The following CC2D2B variants were observed in gnomAD, a reference collection of about 807,000 sequenced individuals.
CC2D2B encodes protein CC2D2B.
CC2D2B carries 128 observed loss-of-function variants against 161.2 expected under a neutral mutation model. The ratio of observed to expected loss-of-function variants is 0.79; its 90% CI spans 0.69 to 0.92. CC2D2B has a LOEUF of 0.92. Among genes scored for constraint, CC2D2B ranks in the 40% least tolerant of loss-of-function variants. The pLI, the probability that CC2D2B is intolerant of heterozygous loss-of-function variation, is 0.00. For missense variants in CC2D2B, 1,173 were observed against 1,375.1 expected, an observed-to-expected ratio of 0.85 and a Z score of 2.32; for synonymous variants, 391 against 449.8, an observed-to-expected ratio of 0.87 and a Z score of 1.65.
At position 95,937,973 on chromosome 10, in the gene CC2D2B, C is replaced by T; in HGVS notation, c.337-18C>T. On this transcript the variant is annotated intron_variant, in intron 6 of 34. Coordinates refer to ENST00000646931, the MANE Select transcript of CC2D2B (RefSeq NM_001349008.3). Reference sequence around the variant, plus strand: ...GAGACAAGCATGTAAACTTATTTTCCTTTTTGGTATTCAACAGAGACCAGT... The same window carrying T: ...GAGACAAGCATGTAAACTTATTTTCTTTTTTGGTATTCAACAGAGACCAGT... The T allele has an allele frequency of 1.4e-6, 2 of 1,428,686 alleles. No homozygotes were observed. Among genetic ancestry groups the T allele is most frequent in the Non-Finnish European group, 1.9e-6 (2 of 1,040,176 alleles). 88.5% of individuals were successfully genotyped at this position (1,428,686 alleles called of 1,614,324 possible). A position where few individuals can be genotyped will look rare whatever the true frequency, so the allele number is the denominator to read the frequency against.
chr10:96,021,630 T>A (rs924607693), intron 32 of CC2D2B: 10 of 152,192 alleles, frequency 6.6e-5, no homozygotes, highest in African/African-American at 2.4e-4. Flanking sequence ...AAATGACACA[T>A]ACAGTACAAA....
At chr10:95,958,066 A>G (rs1022962324) in intron 11 of CC2D2B, among the ~76,000 whole-genome samples, 7 of 151,990 alleles carry the variant, frequency 4.6e-5, no homozygotes, top group Admixed American at 2.0e-4. Context: ...CAAAAAAAAA[A>G]ACCTACTAGA....
At chr10:95,949,707 TATAA>T (rs2076338878) in intron 9 of CC2D2B, among the ~76,000 whole-genome samples, 185 bp from the exon 10 acceptor site, 1 of 151,712 alleles carries the variant, frequency 6.6e-6, no homozygotes. Context: ...AATGCTGTAA[TATAA>T]ATATATTTGA....
intron 24 of CC2D2B, chr10:96,000,306 A>G: frequency 1.7e-6 from 1 of 604,526 alleles, no homozygotes; most frequent in Non-Finnish European, 2.1e-6. Context: ...CTATTTTTCT[A>G]TTGTTTCGTC....
In CC2D2B at chr10:96,009,788, T is replaced by A. The variant is rs112926625; in HGVS notation, c.2947-37T>A. The A allele has an allele frequency of 2.2e-5, 20 of 929,650 alleles. No homozygotes were observed. The African/African-American group carries it at 2.9e-4, about 13-fold the overall frequency. 57.6% of individuals were successfully genotyped at this position (929,650 alleles called of 1,614,324 possible). A position where few individuals can be genotyped will look rare whatever the true frequency, so the allele number is the denominator to read the frequency against. ...GTTTATAAAACTATTCATCACATGATATTAAGTAAGTAATAAAAAATTATT... is the reference window on the plus strand; with the variant it reads ...GTTTATAAAACTATTCATCACATGAAATTAAGTAAGTAATAAAAAATTATT... On this transcript the variant is annotated intron_variant, in intron 25 of 34. Transcript: ENST00000646931.
rs1564689204 is a variant in CC2D2B, at chr10:96,029,276, A to ATG, written c.4125+1888_4125+1889insGT. Among the ~76,000 whole-genome samples the ATG allele has an allele frequency of 4.2e-4, 23 of 54,690 alleles. 1 individual carries two copies. Among genetic ancestry groups the ATG allele is most frequent in the Non-Finnish European group, 5.0e-4 (14 of 27,922 alleles). 35.9% of individuals were successfully genotyped at this position (54,690 alleles called of 152,430 possible). A position where few individuals can be genotyped will look rare whatever the true frequency, so the allele number is the denominator to read the frequency against. The stretch of plus-strand genomic sequence containing the variant: ...TATATATATATATATATATATATAT[A>ATG]TATATATATGTATATATATATATAT... On this transcript the variant is annotated intron_variant, in intron 34 of 34. Transcript: ENST00000646931.
intron 9 of CC2D2B, among the ~76,000 whole-genome samples, chr10:95,941,047 C>T (rs1009472159): frequency 6.6e-6 from 1 of 152,096 alleles, no homozygotes; most frequent in Non-Finnish European, 1.5e-5. Flanking sequence ...TATGTATATA[C>T]AGTCAAATGA....
At chr10:96,000,223 T>C in intron 24 of CC2D2B, 1 of 1,280,168 alleles carries the variant, frequency 7.8e-7, no homozygotes, top group Non-Finnish European at 9.9e-7. Flanking sequence ...GGTGCCTTTC[T>C]TCTTTTCCTT....
chr10:95,935,380 A>G (rs1192232112), intron 6 of CC2D2B, among the ~76,000 whole-genome samples: 1 of 152,032 alleles, frequency 6.6e-6, no homozygotes, highest in Admixed American at 6.6e-5. Flanking sequence ...ATAGCCTCTC[A>G]TCAGAATCAC....
intron 12 of CC2D2B, among the ~76,000 whole-genome samples, chr10:95,963,480 TTGAG>T (rs1323641612): frequency 2.0e-5 from 3 of 152,220 alleles, no homozygotes; most frequent in Non-Finnish European, 2.9e-5. Flanking sequence ...AATAAGGTAA[TTGAG>T]TGGGCAGCTA....
intron 12 of CC2D2B, among the ~76,000 whole-genome samples, chr10:95,965,311 C>T (rs187435701): frequency 8.5e-5 from 13 of 152,092 alleles, no homozygotes; most frequent in South Asian, 4.1e-4. Flanking sequence ...TCAGTCAATA[C>T]GTGTAAAGTA....
chr10:96,023,648 A>G (rs551615291), intron 32 of CC2D2B, among the ~76,000 whole-genome samples: 1 of 152,324 alleles, frequency 6.6e-6, no homozygotes, highest in Admixed American at 6.5e-5. Flanking sequence ...CAGCTCCTGC[A>G]AGATGACACA....
intron 10 of CC2D2B, among the ~76,000 whole-genome samples, chr10:95,951,822 GTTA>G (rs778165580): frequency 1.3e-5 from 2 of 151,868 alleles, no homozygotes; most frequent in African/African-American, 2.4e-5. Context: ...AACTTTTGGG[GTTA>G]TTATTTGCAA....
chr10:96,031,477 C>T (rs768701146), intron 34 of CC2D2B, among the ~76,000 whole-genome samples: 3 of 152,204 alleles, frequency 2.0e-5, no homozygotes, highest in Non-Finnish European at 2.9e-5. Flanking sequence ...GAAATTCTCA[C>T]TTAAATCCCC....
intron 11 of CC2D2B, among the ~76,000 whole-genome samples, chr10:95,961,411 C>T (rs1283492114): frequency 6.6e-6 from 1 of 152,132 alleles, no homozygotes; most frequent in Admixed American, 6.5e-5. Flanking sequence ...CCTATGGTCC[C>T]AGCTACTTGG....
At chr10:95,943,835 G>A (rs1450254512) in intron 9 of CC2D2B, among the ~76,000 whole-genome samples, 1 of 151,966 alleles carries the variant, frequency 6.6e-6, no homozygotes, top group Non-Finnish European at 1.5e-5. Flanking sequence ...AAAAATTATA[G>A]AAGCCCGAGA....
At chr10:96,000,739 A>G (rs1383654317) in intron 24 of CC2D2B, 1 of 152,156 alleles carries the variant, frequency 6.6e-6, no homozygotes, top group African/African-American at 2.4e-5. Flanking sequence ...TGTTAAAACT[A>G]TCTTTCCCTA....
chr10:96,022,043 T>C (rs1326653179), intron 32 of CC2D2B, among the ~76,000 whole-genome samples: 2 of 152,090 alleles, frequency 1.3e-5, no homozygotes, highest in African/African-American at 4.8e-5. Context: ...TCTGGCTGGG[T>C]GCGGTGGCTC....
In CC2D2B at chr10:96,012,552, C is replaced by A; in HGVS notation, c.3249C>A (p.Val1083=). ...TGTAGTTTTTAGATCAAACAGAGGT[C>A]TTGCAGAGAGCACAGATTTTTAAAA... ...TLDKFLDQTE[V]LQRAQIFKKN... The change falls in exon 28 of 35, where the codon GTC becomes GTA. Residue 1083 remains valine (V), a synonymous_variant. Transcript: ENST00000646931. 1.9e-6 allele frequency: 3 copies of A among 1,611,246 alleles called. No homozygotes were observed. Among genetic ancestry groups the A allele is most frequent in the Non-Finnish European group, 1.7e-6 (2 of 1,177,584 alleles).
Sources: gnomAD v4.1 joint callset for allele counts (sites outside exome capture counted in the v4.1 genomes callset) on GRCh38, gnomAD v4.1.1 for gene constraint, MANE v1.5 for transcripts, NCBI Gene and HGNC (gene_info 2026-07-23, HGNC 2026-07-21) for gene names.